Variants in IFNGR1 observed in about 807,000 individuals in gnomAD.
IFNGR1 encodes the protein interferon gamma receptor 1, also known as AVP, type 2.
A neutral mutation model predicts 35.4 loss-of-function variants in IFNGR1; 23 were observed. The ratio of observed to expected loss-of-function variants is 0.65; its 90% CI spans 0.47 to 0.92. The LOEUF (loss-of-function observed/expected upper bound fraction) is 0.92. Ranked by LOEUF, IFNGR1 falls within the 40% of genes least tolerant of loss-of-function variation. IFNGR1 has a pLI of 0.00. For missense variants in IFNGR1, 533 were observed against 583.4 expected (o/e 0.91, Z 0.89); for synonymous variants, 199 against 209.5 (o/e 0.95, Z 0.43).
intron 6 of IFNGR1, among the ~76,000 whole-genome samples, chr6:137,199,492 T>TAA (rs1562283275): frequency 9.8e-6 from 1 of 102,314 alleles, no homozygotes; most frequent in East Asian, 2.3e-4. Flanking sequence ...TTATAATATA[T>TAA]TATATAAAAT....
Position 137,197,880 on chromosome 6 carries a change from C to T in IFNGR1, c.*151G>A. ...ACAAGCCAAAAGTGAAAATGCCACA[C>T]ATCCTCTTTACGCTTTCATGTACAC... is the stretch of plus-strand genomic sequence containing the variant. On this transcript the variant is annotated 3_prime_UTR_variant, in exon 7 of 7. Transcript: ENST00000367739. The T allele has an allele frequency of 1.0e-6, 1 of 978,136 alleles. No individual in the cohort carries two copies. The highest frequency in any genetic ancestry group is 2.3e-5 in the Admixed American group (1 of 43,122). The allele number at this position is 978,136 out of a possible 1,614,324, so 60.6% of individuals were successfully genotyped here.
chr6:137,200,307 A>C (rs1279106945), intron 6 of IFNGR1, among the ~76,000 whole-genome samples: 1 of 152,194 alleles, frequency 6.6e-6, no homozygotes, highest in Admixed American at 6.5e-5. Context: ...TCTTTACATC[A>C]AAGGCTTTGA....
At position 137,199,419 on chromosome 6, in the gene IFNGR1, T is replaced by C. The variant is rs866855296; in HGVS notation, c.862-780A>G. 4.9e-3 allele frequency among the ~76,000 whole-genome samples: 488 copies of C among 100,584 alleles called. 3 individuals carry two copies. In the Middle Eastern group the frequency reaches 0.054, roughly 11 times the overall value. 66.0% of individuals were successfully genotyped at this position (100,584 alleles called of 152,430 possible). ...AATATATAATTTATAATATATTATA[T>C]AAACATATAATTTATAATATAATAT... On this transcript the variant is annotated intron_variant, in intron 6 of 6. Coordinates refer to ENST00000367739, the MANE Select transcript of IFNGR1 (RefSeq NM_000416.3).
At chr6:137,215,902 G>C (rs2114516714) in intron 1 of IFNGR1, among the ~76,000 whole-genome samples, 1 of 152,190 alleles carries the variant, frequency 6.6e-6, no homozygotes, top group African/African-American at 2.4e-5. Flanking sequence ...TTGTAGAGAT[G>C]GGTTTTGCCA....
chr6:137,200,613 TGTATATTTATCTTTTCTTCC>T (rs1779254122), intron 6 of IFNGR1, among the ~76,000 whole-genome samples: 1 of 152,138 alleles, frequency 6.6e-6, no homozygotes, highest in South Asian at 2.1e-4. Context: ...ATATAGCCAA[TGTATATTTATCTTTTCTTCC>T]CCCTAGACTT....
At chr6:137,207,827 G>GT (rs1364645908) in intron 1 of IFNGR1, among the ~76,000 whole-genome samples, 3 of 152,182 alleles carry the variant, frequency 2.0e-5, no homozygotes, top group African/African-American at 7.2e-5. Context: ...TACCAGCAGA[G>GT]TGGGGCATTG....
intron 1 of IFNGR1, 106 bp downstream of exon 1, chr6:137,219,137 G>A: frequency 4.8e-6 from 7 of 1,454,566 alleles, no homozygotes; most frequent in Non-Finnish European, 4.7e-6. Flanking sequence ...CAGGGGTCCC[G>A]GGCTAGGGCG....
chr6:137,211,979 C>A (rs1779584830), intron 1 of IFNGR1, among the ~76,000 whole-genome samples: 3 of 152,100 alleles, frequency 2.0e-5, no homozygotes, highest in Admixed American at 1.3e-4. Flanking sequence ...TCTCGAGAGG[C>A]TGAGAATTTT....
At chr6:137,198,843 A>G (rs561420321) in intron 6 of IFNGR1, among the ~76,000 whole-genome samples, 1 of 152,306 alleles carries the variant, frequency 6.6e-6, no homozygotes, top group South Asian at 2.1e-4. Context: ...GCCATCAGAT[A>G]TCTTACTAAT....
chr6:137,215,355 T>G, intron 1 of IFNGR1: 6 of 1,538,544 alleles, frequency 3.9e-6, no homozygotes, highest in Non-Finnish European at 5.3e-6. Context: ...TTTTATTACA[T>G]TATCACAATT....
chr6:137,211,989 T>C (rs768778344), intron 1 of IFNGR1, among the ~76,000 whole-genome samples: 1 of 152,172 alleles, frequency 6.6e-6, no homozygotes. Context: ...CTGAGAATTT[T>C]CAAACCAGGT....
intron 1 of IFNGR1, among the ~76,000 whole-genome samples, chr6:137,207,295 ACAT>A (rs749578839): frequency 1.3e-5 from 2 of 152,258 alleles, no homozygotes; most frequent in Non-Finnish European, 2.9e-5. Flanking sequence ...AATTATGGAA[ACAT>A]CATTGCAATA....
At chr6:137,201,526 A>AG (rs1779276630) in intron 5 of IFNGR1, among the ~76,000 whole-genome samples, 1 of 152,120 alleles carries the variant, frequency 6.6e-6, no homozygotes, top group Non-Finnish European at 1.5e-5. Context: ...TACAAAAATT[A>AG]GCTGGGTGTG....
In IFNGR1 at chr6:137,197,787, A is replaced by G. The variant is rs1391074618; in HGVS notation, c.*244T>C. ...GATACTGTTCCGTTACTGGTAACCTATCTGGATGTAAAGGTTCATAAGTTA... is the reference window on the plus strand; with the variant it reads ...GATACTGTTCCGTTACTGGTAACCTGTCTGGATGTAAAGGTTCATAAGTTA... On this transcript the variant is annotated 3_prime_UTR_variant, in exon 7 of 7. Coordinates refer to ENST00000367739, the MANE Select transcript of IFNGR1 (RefSeq NM_000416.3). 4 of 444,588 alleles carry G rather than the reference A, an allele frequency of 9.0e-6. No individual in the cohort carries two copies. Among genetic ancestry groups the G allele is most frequent in the East Asian group, 4.8e-5 (1 of 20,890 alleles). The allele number at this position is 444,588 out of a possible 1,614,324, so 27.5% of individuals were successfully genotyped here.
intron 1 of IFNGR1, chr6:137,210,113 G>A (rs1779540296): frequency 5.6e-6 from 2 of 354,758 alleles, no homozygotes; most frequent in African/African-American, 2.1e-5. Context: ...CATTTTGGGA[G>A]GCTGAGGTGG....
chr6:137,210,639 G>T (rs1239065334), intron 1 of IFNGR1, among the ~76,000 whole-genome samples: 2 of 152,182 alleles, frequency 1.3e-5, no homozygotes, highest in Admixed American at 6.5e-5. Context: ...TGCCTTGGAT[G>T]ATAATGATGA....
Position 137,204,328 on chromosome 6 carries a change from A to G in IFNGR1, c.546+4T>C. On this transcript the variant is annotated splice_donor_region_variant and intron_variant, in intron 4 of 6. Coordinates refer to ENST00000367739, the MANE Select transcript of IFNGR1 (RefSeq NM_000416.3). ...TTCCATTATGAAAAATGTGAAACAC[A>G]TACCTCACTTCCGTTCATTCTCACA... 6.2e-7 allele frequency: 1 copy of G among 1,612,722 alleles called. No individual in the cohort carries two copies. The highest frequency in any genetic ancestry group is 8.5e-7 in the Non-Finnish European group (1 of 1,178,740).
rs377587156 is a variant in IFNGR1, at chr6:137,215,967, G to C, written c.85+3276C>G. ...GCTCCAGTGATCCTTCCGCCGATGT[G>C]CTGGGATTACAGGCATGAGCCACTG... is the stretch of plus-strand genomic sequence containing the variant. On this transcript the variant is annotated intron_variant, in intron 1 of 6. Coordinates refer to ENST00000367739, the MANE Select transcript of IFNGR1 (RefSeq NM_000416.3). Among the ~76,000 whole-genome samples, 11 of 152,300 alleles carry C rather than the reference G, an allele frequency of 7.2e-5. No homozygotes were observed. In the East Asian group the frequency reaches 1.9e-3, roughly 27 times the overall value.
At chr6:137,204,574 A>G (rs910917798) in intron 3 of IFNGR1, 70 bp from the exon 4 acceptor site, 1 of 1,251,170 alleles carries the variant, frequency 8.0e-7, no homozygotes, top group Non-Finnish European at 1.2e-6. Flanking sequence ...TCATAAAATT[A>G]CCAGAATCTA....
Sources: gnomAD v4.1 joint callset for allele counts (sites outside exome capture counted in the v4.1 genomes callset) on GRCh38, gnomAD v4.1.1 for gene constraint, MANE v1.5 for transcripts, NCBI Gene and HGNC (gene_info 2026-07-23, HGNC 2026-07-21) for gene names.